Variants in TMIGD3 observed in about 807,000 individuals in gnomAD.
TMIGD3 encodes the protein AD026 protein (AD026).
Under a neutral mutation model 28.1 loss-of-function variants are expected in TMIGD3, and 21 were observed. The ratio of observed to expected loss-of-function variants is 0.75; its 90% CI spans 0.53 to 1.08. The LOEUF is 1.08. TMIGD3 is among the 50% of genes least tolerant of loss of function. The pLI, the probability that TMIGD3 is intolerant of heterozygous loss-of-function variation, is 0.00. For missense variants in TMIGD3, 416 were observed against 435.6 expected (o/e 0.96, Z 0.40); for synonymous variants, 151 against 162.1 (o/e 0.93, Z 0.52).
intron 1 of TMIGD3, among the ~76,000 whole-genome samples, chr1:111,562,627 C>A (rs935122935): frequency 2.6e-5 from 4 of 152,154 alleles, no homozygotes; most frequent in African/African-American, 9.7e-5. Context: ...ACTAAAATTG[C>A]CAATATTCCC....
intron 1 of TMIGD3, among the ~76,000 whole-genome samples, chr1:111,553,547 G>T (rs1338090352): frequency 6.6e-6 from 1 of 152,170 alleles, no homozygotes; most frequent in Non-Finnish European, 1.5e-5. Flanking sequence ...TAGCCGGTAT[G>T]CTGTTACAAA....
rs138501072 is a variant in TMIGD3, at chr1:111,485,807, C to T, written c.906G>A (p.Thr302=). The T allele has an allele frequency of 8.5e-5, 137 of 1,613,244 alleles. No homozygotes were observed. Among genetic ancestry groups the T allele is most frequent in the South Asian group, 4.4e-4 (40 of 90,982 alleles). ...TSILIICILI[T]GLGIISVISH... is the part of the protein sequence containing the mutation. ...TGATTACAGAGATGATTCCCAAACC[C>T]GTGATCAGTATGCAAATGATGAGAA... The change falls in exon 5 of 6, where the codon ACG becomes ACA. Residue 302 remains threonine (T), a synonymous_variant. Transcript: ENST00000369716.
At chr1:111,552,157 C>T (rs1240059131) in intron 1 of TMIGD3, among the ~76,000 whole-genome samples, 4 of 152,196 alleles carry the variant, frequency 2.6e-5, no homozygotes, top group Non-Finnish European at 5.9e-5. Context: ...TGGGCAAGCT[C>T]TGAAACAAGA....
At chr1:111,530,936 C>T (rs1656438213) in intron 1 of TMIGD3, among the ~76,000 whole-genome samples, 1 of 152,222 alleles carries the variant, frequency 6.6e-6, no homozygotes, top group African/African-American at 2.4e-5. Flanking sequence ...CCTATTTCTC[C>T]TCTCCTTTAG....
intron 1 of TMIGD3, among the ~76,000 whole-genome samples, chr1:111,527,216 T>C (rs1571437334): frequency 6.6e-6 from 1 of 152,232 alleles, no homozygotes; most frequent in South Asian, 2.1e-4. Flanking sequence ...TTCACCATGT[T>C]GGCCAGGCTG....
intron 1 of TMIGD3, among the ~76,000 whole-genome samples, chr1:111,516,551 C>A (rs985716133): frequency 1.3e-5 from 2 of 152,192 alleles, no homozygotes; most frequent in Admixed American, 1.3e-4. Flanking sequence ...GAACAGCAGA[C>A]CCTCCTACGC....
At chr1:111,504,781 TG>T, upstream of TMIGD3, 1 of 838,076 alleles carries the variant, frequency 1.2e-6, no homozygotes, top group Middle Eastern at 6.1e-4. Flanking sequence ...TCTTGTTAGT[TG>T]ATCTGCTCTG....
At chr1:111,503,959 G>A (rs1226959924), upstream of TMIGD3, 1 of 985,322 alleles carries the variant, frequency 1.0e-6, no homozygotes, top group Admixed American at 6.1e-5. Context: ...TGCCAGCTTA[G>A]CAAAAAGATC....
At chr1:111,511,870 A>T (rs893532452) in intron 1 of TMIGD3, among the ~76,000 whole-genome samples, 4 of 152,200 alleles carry the variant, frequency 2.6e-5, no homozygotes, top group Admixed American at 2.6e-4. Flanking sequence ...TTAGTCTGAC[A>T]CATTACTCCT....
chr1:111,524,320 C>T (rs1041264733), intron 1 of TMIGD3, among the ~76,000 whole-genome samples: 5 of 151,912 alleles, frequency 3.3e-5, no homozygotes, highest in East Asian at 1.9e-4. Context: ...TGAGCCATCG[C>T]GCCCGGCCTT....
At chr1:111,549,304 A>G (rs1488904224) in intron 1 of TMIGD3, among the ~76,000 whole-genome samples, 1 of 145,624 alleles carries the variant, frequency 6.9e-6, no homozygotes, top group Non-Finnish European at 1.5e-5. Flanking sequence ...CCATCCAGTC[A>G]TGGGCTTTTT....
At chr1:111,540,578 C>T (rs1557841797) in intron 1 of TMIGD3, among the ~76,000 whole-genome samples, 1 of 152,174 alleles carries the variant, frequency 6.6e-6, no homozygotes, top group Non-Finnish European at 1.5e-5. Flanking sequence ...CAGCTTGTTC[C>T]TCCTCCTTTT....
chr1:111,511,063 T>A (rs181401402), intron 1 of TMIGD3, among the ~76,000 whole-genome samples: 4 of 152,344 alleles, frequency 2.6e-5, no homozygotes, highest in Admixed American at 6.5e-5. Flanking sequence ...TGTATTTTTA[T>A]TGATGTGCAC....
intron 1 of TMIGD3, chr1:111,542,242 C>T: frequency 3.3e-6 from 2 of 609,842 alleles, no homozygotes; most frequent in Admixed American, 3.8e-5. Context: ...GACGGAAACA[C>T]TGGCGGCACA....
chr1:111,533,241 G>A (rs1656513488), intron 1 of TMIGD3, among the ~76,000 whole-genome samples: 1 of 152,160 alleles, frequency 6.6e-6, no homozygotes, highest in African/African-American at 2.4e-5. Flanking sequence ...GTGGGTTATT[G>A]AAGCTGACAG....
intron 1 of TMIGD3, among the ~76,000 whole-genome samples, chr1:111,558,426 A>T (rs1657594529): frequency 6.6e-6 from 1 of 152,042 alleles, no homozygotes; most frequent in South Asian, 2.1e-4. Context: ...GGCTCAAGCA[A>T]TCCACCTGCC....
chr1:111,517,072 C>G (rs115777654), intron 1 of TMIGD3, among the ~76,000 whole-genome samples: 2 of 152,342 alleles, frequency 1.3e-5, no homozygotes, highest in South Asian at 4.1e-4. Flanking sequence ...CCCTTCCTCC[C>G]TCTGTCCCAA....
chr1:111,523,487 G>A (rs552719664), intron 1 of TMIGD3, among the ~76,000 whole-genome samples: 2 of 152,124 alleles, frequency 1.3e-5, no homozygotes, highest in Non-Finnish European at 2.9e-5. Flanking sequence ...AAGCAATGCT[G>A]GAAACTGAAT....
Position 111,503,189 on chromosome 1 carries a change from G to C in TMIGD3, c.166C>G (p.Leu56Val). Reference sequence around the variant, plus strand: ...AGCACCCCAACAGCAATGTCAGCCAGGGCTAGAGAGACAATGAAATAGAAG... The same window carrying C: ...AGCACCCCAACAGCAATGTCAGCCACGGCTAGAGAGACAATGAAATAGAAG... ...TTFYFIVSLA[L>V]ADIAVGVLVM... The change falls in exon 1 of 6, where the codon CTG becomes GTG. Residue 56 changes from leucine to valine, a missense_variant. Transcript: ENST00000369716. The C allele has an allele frequency of 6.2e-7, 1 of 1,614,248 alleles. No homozygotes were observed. Among genetic ancestry groups the C allele is most frequent in the Non-Finnish European group, 8.5e-7 (1 of 1,180,030 alleles).
Sources: allele counts gnomAD v4.1 joint callset (sites outside exome capture counted in the v4.1 genomes callset), GRCh38; gene constraint gnomAD v4.1.1; transcripts MANE v1.5; gene names NCBI Gene and HGNC (gene_info 2026-07-23, HGNC 2026-07-21).